PPP1R9A: variants seen among roughly 807,000 people sequenced by gnomAD.
PPP1R9A encodes the protein protein phosphatase 1 regulatory subunit 9A.
PPP1R9A carries 59 observed loss-of-function variants against 141.9 expected under a neutral mutation model. That is an observed-to-expected ratio of 0.42 (90% confidence interval 0.34 to 0.52). The LOEUF is 0.52. Among genes scored for constraint, PPP1R9A ranks in the 20% least tolerant of loss-of-function variants. The pLI, the probability that PPP1R9A is intolerant of heterozygous loss-of-function variation, is 0.10. For synonymous variants in PPP1R9A, 500 were observed against 569.7 expected (o/e 0.88, Z 1.74); for missense variants, 1,444 against 1,611.9 (o/e 0.90, Z 1.78).
intron 2 of PPP1R9A, among the ~76,000 whole-genome samples, chr7:94,965,681 T>C (rs1101702): frequency 0.6 from 91,493 of 151,922 alleles, 28,505 homozygotes; most frequent in African/African-American, 0.74. Flanking sequence ...GTCTATATAT[T>C]TGTTTTGGGT....
chr7:95,009,870 A>G (rs1804166733), intron 2 of PPP1R9A, among the ~76,000 whole-genome samples: 2 of 152,172 alleles, frequency 1.3e-5, no homozygotes, highest in Admixed American at 1.3e-4. Context: ...GTTCCTTGCC[A>G]CATAGGGAAA....
chr7:95,260,602 C>T (rs968962810), intron 12 of PPP1R9A, among the ~76,000 whole-genome samples: 1 of 151,368 alleles, frequency 6.6e-6, no homozygotes, highest in African/African-American at 2.4e-5. Flanking sequence ...TCACCTGAAC[C>T]CGGGAGGCGG....
At chr7:95,077,534 T>A (rs1399934315) in intron 2 of PPP1R9A, among the ~76,000 whole-genome samples, 1 of 152,136 alleles carries the variant, frequency 6.6e-6, no homozygotes, top group Non-Finnish European at 1.5e-5. Flanking sequence ...CATAGTATAA[T>A]ATGAGGGAAC....
At chr7:94,994,259 T>A (rs1419892317) in intron 2 of PPP1R9A, among the ~76,000 whole-genome samples, 3 of 152,152 alleles carry the variant, frequency 2.0e-5, no homozygotes, top group Non-Finnish European at 4.4e-5. Context: ...TCTTCATTCC[T>A]TCCCGCTGGG....
rs192466666 is a variant in PPP1R9A, at chr7:95,284,405, C to A, written c.3609+75C>A. On this transcript the variant is annotated intron_variant, in intron 17 of 19. Coordinates refer to ENST00000433360, the MANE Select transcript of PPP1R9A (RefSeq NM_001166160.2). ...GAAAGCCTCATTTAACTACCACCTT[C>A]TTTAATGCTGTTTCATTGTAGATTG... 2.9e-4 allele frequency: 364 copies of A among 1,264,212 alleles called. 1 individual carries two copies. The African/African-American group carries it at 5.2e-3, about 18-fold the overall frequency. The allele number at this position is 1,264,212 out of a possible 1,614,324, so 78.3% of individuals were successfully genotyped here.
At chr7:95,273,203 TGAG>T (rs1369452835) in intron 14 of PPP1R9A, among the ~76,000 whole-genome samples, 19 of 152,182 alleles carry the variant, frequency 1.2e-4, no homozygotes, top group Admixed American at 1.1e-3. Flanking sequence ...CTCTGAACAC[TGAG>T]GAGATTTTGG....
intron 2 of PPP1R9A, among the ~76,000 whole-genome samples, chr7:95,007,873 A>G (rs549141196): frequency 9.5e-4 from 144 of 152,218 alleles, no homozygotes; most frequent in South Asian, 2.9e-3. Flanking sequence ...GGAGCTCGAG[A>G]CCAACCTGAT....
intron 2 of PPP1R9A, among the ~76,000 whole-genome samples, chr7:95,011,120 C>T (rs1240648235): frequency 6.6e-6 from 1 of 152,038 alleles, no homozygotes; most frequent in African/African-American, 2.4e-5. Context: ...ATATTACATC[C>T]AAAATACCTC....
In PPP1R9A at chr7:95,260,404, C is replaced by A. The variant is rs181791997; in HGVS notation, c.2666-8146C>A. ...AGTACTGGGAGATATCTAGGCCAGG[C>A]ACGGTGGCTCATGCCTGTCTTCCCA... On this transcript the variant is annotated intron_variant, in intron 12 of 19. Transcript: ENST00000433360. 2.6e-5 allele frequency among the ~76,000 whole-genome samples: 4 copies of A among 152,256 alleles called. No individual in the cohort carries two copies. The East Asian group carries it at 7.7e-4, about 29-fold the overall frequency.
At chr7:95,109,074 A>G (rs940468858) in intron 2 of PPP1R9A, 4 of 152,186 alleles carry the variant, frequency 2.6e-5, no homozygotes, top group African/African-American at 9.6e-5. Flanking sequence ...TTCTATAGGC[A>G]TTTTCCATTG....
chr7:95,134,930 A>C (rs780150524), intron 4 of PPP1R9A, among the ~76,000 whole-genome samples: 24 of 152,276 alleles, frequency 1.6e-4, no homozygotes, highest in Middle Eastern at 3.4e-3. Flanking sequence ...TTTTTAAAAA[A>C]CAGTATTATA....
intron 2 of PPP1R9A, among the ~76,000 whole-genome samples, chr7:94,913,608 T>C: frequency 6.6e-6 from 1 of 152,176 alleles, no homozygotes; most frequent in East Asian, 1.9e-4. Context: ...AATTACTCTT[T>C]CTTGCTGCTT....
chr7:94,909,253 T>C (rs1791177737), intron 1 of PPP1R9A, among the ~76,000 whole-genome samples: 1 of 152,230 alleles, frequency 6.6e-6, no homozygotes, highest in Admixed American at 6.5e-5. Context: ...TAACCACTGT[T>C]AGGAAACTTC....
chr7:95,027,211 G>T (rs1806984096), intron 2 of PPP1R9A, among the ~76,000 whole-genome samples: 1 of 152,156 alleles, frequency 6.6e-6, no homozygotes, highest in African/African-American at 2.4e-5. Flanking sequence ...GGCCCTGGTG[G>T]CATAGGCACT....
At chr7:95,118,807 CAA>C (rs201426523) in intron 3 of PPP1R9A, among the ~76,000 whole-genome samples, 4 of 48,636 alleles carry the variant, frequency 8.2e-5, no homozygotes, top group African/African-American at 1.3e-4. Context: ...CCTGTCTGTA[CAA>C]AAAAAAAAAA....
chr7:94,935,559 A>G (rs1794680013), intron 2 of PPP1R9A, among the ~76,000 whole-genome samples: 1 of 152,200 alleles, frequency 6.6e-6, no homozygotes, highest in South Asian at 2.1e-4. Context: ...ATATTATTTA[A>G]CATTCTGTGG....
chr7:94,911,546 T>G, intron 2 of PPP1R9A, 38 bp downstream of exon 2: 1 of 1,503,536 alleles, frequency 6.7e-7, no homozygotes, highest in Non-Finnish European at 9.1e-7. Flanking sequence ...CTAAATTTGT[T>G]TTTAGTACTA....
intron 3 of PPP1R9A, among the ~76,000 whole-genome samples, chr7:95,119,127 A>G (rs1179643779): frequency 1.3e-5 from 2 of 152,212 alleles, no homozygotes; most frequent in Non-Finnish European, 2.9e-5. Context: ...ACTGTTGATT[A>G]GTTAGTATTT....
chr7:95,105,035 G>A (rs1222098327), intron 2 of PPP1R9A, among the ~76,000 whole-genome samples: 1 of 152,182 alleles, frequency 6.6e-6, no homozygotes, highest in African/African-American at 2.4e-5. Context: ...CATCTTTGAT[G>A]TGTCAGGAAG....
Sources: allele counts gnomAD v4.1 joint callset (sites outside exome capture counted in the v4.1 genomes callset), GRCh38; gene constraint gnomAD v4.1.1; transcripts MANE v1.5; gene names NCBI Gene and HGNC (gene_info 2026-07-23, HGNC 2026-07-21).